Variants in RGS3 observed in about 807,000 individuals in gnomAD.
The protein encoded by RGS3 is regulator of G protein signaling 3, also known as regulator of G-protein signalling 3.
In RGS3, 80 loss-of-function variants were observed where a neutral mutation model predicts 132.6. The ratio of observed to expected loss-of-function variants is 0.60; its 90% CI spans 0.50 to 0.73. The LOEUF is 0.73. RGS3 is among the 30% of genes least tolerant of loss of function. The pLI, the probability that RGS3 is intolerant of heterozygous loss-of-function variation, is 0.00. For missense variants in RGS3, 1,382 were observed against 1,530.8 expected (o/e 0.90, Z 1.62); for synonymous variants, 598 against 620.6 (o/e 0.96, Z 0.54).
intron 19 of RGS3, among the ~76,000 whole-genome samples, chr9:113,545,817 T>C (rs1235741135): frequency 6.6e-6 from 1 of 152,234 alleles, no homozygotes; most frequent in African/African-American, 2.4e-5. Context: ...GTGTTACCCC[T>C]GTTATACATT....
At chr9:113,468,715 C>T (rs1016235041) in intron 3 of RGS3, among the ~76,000 whole-genome samples, 3 of 152,130 alleles carry the variant, frequency 2.0e-5, no homozygotes, top group African/African-American at 7.2e-5. Context: ...CAAATTTTAA[C>T]TTGCTTGGGA....
intron 19 of RGS3, among the ~76,000 whole-genome samples, chr9:113,560,138 A>AT: frequency 6.6e-6 from 1 of 152,158 alleles, no homozygotes; most frequent in Non-Finnish European, 1.5e-5. Context: ...GACTGAGCTG[A>AT]TTCCTTTAGT....
At chr9:113,466,313 A>G (rs1213702405) in intron 3 of RGS3, among the ~76,000 whole-genome samples, 1 of 152,264 alleles carries the variant, frequency 6.6e-6, no homozygotes, top group Admixed American at 6.5e-5. Flanking sequence ...TGGTAGAACC[A>G]GATGAAGATG....
chr9:113,571,152 G>A (rs1417204630), intron 19 of RGS3, among the ~76,000 whole-genome samples: 2 of 152,150 alleles, frequency 1.3e-5, no homozygotes, highest in East Asian at 1.9e-4. Flanking sequence ...CTAATCTACT[G>A]CTGATGAACA....
At chr9:113,532,282 A>G (rs201087794) in intron 18 of RGS3, among the ~76,000 whole-genome samples, 1 of 152,334 alleles carries the variant, frequency 6.6e-6, no homozygotes, top group African/African-American at 2.4e-5. Flanking sequence ...GAAGCCAGGA[A>G]GGTAATGAGT....
intron 24 of RGS3, among the ~76,000 whole-genome samples, chr9:113,596,547 A>T (rs1437866207): frequency 6.6e-6 from 1 of 152,220 alleles, no homozygotes; most frequent in Non-Finnish European, 1.5e-5. Context: ...CCTAACCCTC[A>T]GGGTGGTATT....
At chr9:113,590,978 A>G (rs1040273198) in intron 20 of RGS3, among the ~76,000 whole-genome samples, 1 of 152,236 alleles carries the variant, frequency 6.6e-6, no homozygotes, top group Non-Finnish European at 1.5e-5. Flanking sequence ...AGAGGCTTAG[A>G]GAGGGGCAGG....
In RGS3 at chr9:113,465,476, T is replaced by TGTGC. The variant is rs1554754579; in HGVS notation, c.415+3278_415+3279insCGTG. Among the ~76,000 whole-genome samples the TGTGC allele has an allele frequency of 1.5e-3, 226 of 151,536 alleles. 2 individuals are homozygous for TGTGC. Among genetic ancestry groups the TGTGC allele is most frequent in the South Asian group, 0.012 (55 of 4,754 alleles). Reference sequence around the variant, plus strand: ...GTGTGTGTGTGTGTGTGTGTGTGTGTGTGTGCCTGTGTGTATTTAGGGGTC... The same window carrying TGTGC: ...GTGTGTGTGTGTGTGTGTGTGTGTGTGTGCGTGTGCCTGTGTGTATTTAGGGGTC... On this transcript the variant is annotated intron_variant, in intron 3 of 24. Coordinates refer to ENST00000350696, the Ensembl canonical transcript of RGS3.
At chr9:113,542,964 C>T (rs1832965532) in intron 19 of RGS3, among the ~76,000 whole-genome samples, 1 of 152,196 alleles carries the variant, frequency 6.6e-6, no homozygotes, top group African/African-American at 2.4e-5. Context: ...GGAAGACCAA[C>T]CAAGGGGACA....
intron 3 of RGS3, among the ~76,000 whole-genome samples, chr9:113,465,743 G>A (rs1365726150): frequency 6.6e-6 from 1 of 152,154 alleles, no homozygotes; most frequent in African/African-American, 2.4e-5. Context: ...TTGAACAAGT[G>A]ACTGTGACCT....
chr9:113,582,123 G>C, intron 19 of RGS3: 1 of 985,486 alleles, frequency 1.0e-6, no homozygotes, highest in Non-Finnish European at 1.2e-6. Context: ...GCTGCCCCAA[G>C]CCATGGCTGA....
chr9:113,491,886 A>C (rs565844958), intron 7 of RGS3, among the ~76,000 whole-genome samples: 1 of 152,200 alleles, frequency 6.6e-6, no homozygotes, highest in Non-Finnish European at 1.5e-5. Flanking sequence ...TAGTAGGTAC[A>C]TTTAGGGAGA....
At chr9:113,451,340 G>A (rs191483177) in intron 1 of RGS3, among the ~76,000 whole-genome samples, 14 of 152,256 alleles carry the variant, frequency 9.2e-5, no homozygotes, top group Admixed American at 2.0e-4. Context: ...GAGAAGGTTT[G>A]GGATCCCTGG....
At chr9:113,475,192 C>T (rs1829953128) in intron 3 of RGS3, among the ~76,000 whole-genome samples, 1 of 152,168 alleles carries the variant, frequency 6.6e-6, no homozygotes, top group Admixed American at 6.5e-5. Flanking sequence ...CTTGCAGCCT[C>T]TCTGGGCATC....
At position 113,506,115 on chromosome 9, in the gene RGS3, C is replaced by T. The variant is rs759455551; in HGVS notation, c.980-273C>T. On this transcript the variant is annotated intron_variant, in intron 11 of 24. Coordinates refer to ENST00000350696, the Ensembl canonical transcript of RGS3. The surrounding 1 kb of genome is among the most constrained non-coding windows in gnomAD (Gnocchi z 4.7). The stretch of plus-strand genomic sequence containing the variant: ...GAGGCCCTGGGGAGGGGTAAGGGCC[C>T]GGGTAGAAGGGTGGACTGCAGAGAG... Among the ~76,000 whole-genome samples the T allele has an allele frequency of 2.6e-5, 4 of 151,804 alleles. No individual in the cohort carries two copies. The highest frequency in any genetic ancestry group is 7.3e-5 in the African/African-American group (3 of 41,300).
At chr9:113,486,140 T>C (rs1830325644) in intron 7 of RGS3, among the ~76,000 whole-genome samples, 1 of 152,206 alleles carries the variant, frequency 6.6e-6, no homozygotes, top group African/African-American at 2.4e-5. Flanking sequence ...GTTTATTAGA[T>C]ATTGGCTGCA....
In RGS3 at chr9:113,583,827, A is replaced by AT; in HGVS notation, c.2416dup (p.Ser806PhefsTer15). On this transcript the variant is annotated frameshift_variant, in exon 20 of 25. Transcript: ENST00000350696. LOFTEE classifies it high-confidence loss of function. ...CCAAAGACCTCCCTGCCATCCAGGAATCCCCCACCCGGGACCTTCCACCCT... is the reference window on the plus strand; with the variant it reads ...CCAAAGACCTCCCTGCCATCCAGGAATTCCCCCACCCGGGACCTTCCACCCT... 1.2e-6 allele frequency: 2 copies of AT among 1,613,948 alleles called. No individual in the cohort carries two copies. The highest frequency in any genetic ancestry group is 1.3e-5 in the African/African-American group (1 of 75,000).
chr9:113,522,009 A>G (rs1831981459), intron 16 of RGS3, among the ~76,000 whole-genome samples: 1 of 152,216 alleles, frequency 6.6e-6, no homozygotes, highest in Non-Finnish European at 1.5e-5. Context: ...CTTTTGACTA[A>G]AGGCCACTGC....
intron 19 of RGS3, among the ~76,000 whole-genome samples, chr9:113,549,781 G>C (rs963647604): frequency 7.2e-5 from 11 of 152,206 alleles, no homozygotes; most frequent in African/African-American, 2.4e-4. Flanking sequence ...TTCAGTGCCT[G>C]TGGAGTATTT....
Sources: allele counts gnomAD v4.1 joint callset (sites outside exome capture counted in the v4.1 genomes callset), GRCh38; gene constraint gnomAD v4.1.1; non-coding constraint Gnocchi (gnomAD v3.1); transcripts MANE v1.5; gene names NCBI Gene and HGNC (gene_info 2026-07-23, HGNC 2026-07-21).